SYNPO2: variants seen among roughly 807,000 people sequenced by gnomAD.
The protein encoded by SYNPO2 is synaptopodin-2.
In SYNPO2, 56 loss-of-function variants were observed where a neutral mutation model predicts 85.0. That is an observed-to-expected ratio of 0.66 (90% confidence interval 0.53 to 0.82). The LOEUF (loss-of-function observed/expected upper bound fraction) is 0.82, where lower values mean the gene tolerates loss of function less well. SYNPO2 is among the 40% of genes least tolerant of loss of function. SYNPO2 has a pLI of 0.00. For synonymous variants in SYNPO2, 602 were observed against 591.1 expected, an observed-to-expected ratio of 1.02 and a Z score of -0.27; for missense variants, 1,575 against 1,534.2, an observed-to-expected ratio of 1.03 and a Z score of -0.44.
chr4:118,882,010 C>T (rs1398446627), intron 1 of SYNPO2, among the ~76,000 whole-genome samples: 1 of 152,196 alleles, frequency 6.6e-6, no homozygotes, highest in Non-Finnish European at 1.5e-5. Flanking sequence ...CTATCTGGCA[C>T]TTATGATAAA....
chr4:118,906,955 G>A (rs1399269339), intron 1 of SYNPO2, among the ~76,000 whole-genome samples: 1 of 151,596 alleles, frequency 6.6e-6, no homozygotes, highest in African/African-American at 2.4e-5. Context: ...CCACAGGTGT[G>A]TGCCACCACA....
At chr4:119,033,873 C>T (rs1738386443) in intron 4 of SYNPO2, 4 of 985,328 alleles carry the variant, frequency 4.1e-6, no homozygotes, top group Non-Finnish European at 3.6e-6. Flanking sequence ...CATTGTAAAA[C>T]TGTAATCCTT....
intron 1 of SYNPO2, among the ~76,000 whole-genome samples, chr4:118,875,284 A>G (rs910726855): frequency 3.3e-5 from 5 of 152,180 alleles, no homozygotes; most frequent in South Asian, 2.1e-4. Context: ...TTGGAATAAC[A>G]GTATTTTTAT....
chr4:118,893,918 G>C (rs1732457015), intron 1 of SYNPO2, among the ~76,000 whole-genome samples: 1 of 151,864 alleles, frequency 6.6e-6, no homozygotes, highest in Admixed American at 6.6e-5. Flanking sequence ...TAATTAGCCT[G>C]ATTTGATCAT....
At chr4:118,859,290 G>C (rs1357312114) in intron 1 of SYNPO2, among the ~76,000 whole-genome samples, 2 of 151,638 alleles carry the variant, frequency 1.3e-5, no homozygotes, top group Non-Finnish European at 2.9e-5. Context: ...ATTTTTGTGG[G>C]TACATAATAG....
rs774475302 is a variant in SYNPO2 at position 118,908,465 on chromosome 4, G to A, written c.105+19324G>A. 4.6e-5 allele frequency among the ~76,000 whole-genome samples: 7 copies of A among 152,064 alleles called. No homozygotes were observed. In the South Asian group the frequency reaches 8.3e-4, roughly 18 times the overall value. Reference sequence around the variant, plus strand: ...AATTGACTTGAAAAAATTTTTGATAGAAGAAAATTCTCACATTTTAGTTCG... The same window carrying A: ...AATTGACTTGAAAAAATTTTTGATAAAAGAAAATTCTCACATTTTAGTTCG... On this transcript the variant is annotated intron_variant, in intron 1 of 4. Transcript: ENST00000307142.
intron 1 of SYNPO2, among the ~76,000 whole-genome samples, chr4:119,007,189 A>T (rs2149176253): frequency 7.4e-6 from 1 of 135,794 alleles, no homozygotes; most frequent in African/African-American, 2.7e-5. Flanking sequence ...AGGAGACTGA[A>T]AATTCCCAAA....
At chr4:118,889,532 A>C (rs1019214199) in intron 1 of SYNPO2, among the ~76,000 whole-genome samples, 4 of 152,202 alleles carry the variant, frequency 2.6e-5, no homozygotes, top group African/African-American at 7.2e-5. Flanking sequence ...TCAGTTCAGC[A>C]TAACGACTTT....
chr4:118,924,556 G>A (rs1261953161), intron 1 of SYNPO2, among the ~76,000 whole-genome samples: 1 of 152,166 alleles, frequency 6.6e-6, no homozygotes, highest in Non-Finnish European at 1.5e-5. Context: ...ATGGATGCTG[G>A]CATTTCCTCT....
chr4:119,035,502 T>C, intron 4 of SYNPO2: 6 of 985,440 alleles, frequency 6.1e-6, no homozygotes, highest in Non-Finnish European at 7.2e-6. Context: ...GTTAGGAACG[T>C]GTTTTGTAAG....
chr4:118,927,742 A>AGAT (rs1385134365), intron 1 of SYNPO2, among the ~76,000 whole-genome samples: 1,880 of 111,260 alleles, frequency 0.017, 40 homozygotes, highest in East Asian at 0.025. Flanking sequence ...ATAGATAGAT[A>AGAT]GATAGATGAT....
At chr4:118,919,005 T>C (rs1003662451) in intron 1 of SYNPO2, among the ~76,000 whole-genome samples, 5 of 152,200 alleles carry the variant, frequency 3.3e-5, no homozygotes, top group African/African-American at 1.2e-4. Flanking sequence ...TAAATATACA[T>C]TTTAAAAATT....
At chr4:118,891,244 G>C (rs901171463) in intron 1 of SYNPO2, among the ~76,000 whole-genome samples, 1 of 151,988 alleles carries the variant, frequency 6.6e-6, no homozygotes, top group African/African-American at 2.4e-5. Context: ...TGTTTGCTTT[G>C]CTTTTGTAGT....
rs368124549 is a variant in SYNPO2 at position 118,883,041 on chromosome 4, A to G, written c.12+32101A>G. Among the ~76,000 whole-genome samples, 95 of 149,810 alleles carry G rather than the reference A, an allele frequency of 6.3e-4. No homozygotes were observed. The East Asian group carries it at 0.017, about 26-fold the overall frequency. On this transcript the variant is annotated intron_variant, in intron 1 of 4. Transcript: ENST00000610556. Reference sequence around the variant, plus strand: ...CTCCCAAAGTGCTGGGATCACAGGCATGAGCCACCGCGCCCCGCCTGTTTT... The same window carrying G: ...CTCCCAAAGTGCTGGGATCACAGGCGTGAGCCACCGCGCCCCGCCTGTTTT...
At chr4:119,007,267 T>TGTATATAC (rs1553945973) in intron 1 of SYNPO2, among the ~76,000 whole-genome samples, 11 of 74,014 alleles carry the variant, frequency 1.5e-4, no homozygotes, top group East Asian at 4.5e-4. Context: ...TATATATATA[T>TGTATATAC]ATATATATGT....
intron 4 of SYNPO2, among the ~76,000 whole-genome samples, chr4:119,040,571 A>C (rs1224402490): frequency 6.6e-6 from 1 of 152,244 alleles, no homozygotes. Context: ...AGCCTCTACT[A>C]TAAAGACACT....
intron 1 of SYNPO2, among the ~76,000 whole-genome samples, chr4:119,003,033 C>A (rs1347694073): frequency 6.6e-6 from 1 of 152,168 alleles, no homozygotes; most frequent in Non-Finnish European, 1.5e-5. Flanking sequence ...TATGCATCCT[C>A]TCTAATTTTC....
rs765279340 is a variant in SYNPO2, at chr4:119,030,962, C to T, written c.2187C>T (p.Ser729=). 1.2e-6 allele frequency: 2 copies of T among 1,614,116 alleles called. No individual in the cohort carries two copies. The highest frequency in any genetic ancestry group is 1.3e-5 in the African/African-American group (1 of 75,016). The change falls in exon 4 of 5, where the codon TCC becomes TCT. Residue 729 remains serine, a synonymous_variant. Transcript: ENST00000307142. ...GKRGTGAGGD[S]GPEEDYLSLG... ...GGGGCACTGGAGCTGGAGGTGATTC[C>T]GGACCGGAAGAAGACTACCTCAGCT...
At position 119,030,394 on chromosome 4, in the gene SYNPO2, A is replaced by C; in HGVS notation, c.1619A>C (p.Glu540Ala). 2 of 1,614,182 alleles carry C rather than the reference A, an allele frequency of 1.2e-6. No individual in the cohort carries two copies. Among genetic ancestry groups the C allele is most frequent in the Non-Finnish European group, 1.7e-6 (2 of 1,180,036 alleles). ...ACCACGACTTCTTACCAAAGAAAGG[A>C]GGAAGAGTCGGTAAGAACGCAGAGC... ...LRTTTSYQRK[E>A]EESVRTQSSV... is the part of the protein sequence containing the mutation. Residue 540 changes from glutamate to alanine, a missense_variant, in exon 4 of 5, where the codon GAG becomes GCG. Physicochemically the swap from Glu to Ala is moderately radical, Grantham distance 107. Around this residue, in one of 3 missense-constraint regions of SYNPO2, gnomAD observed 1,508 missense variants for 1,446.8 expected, o/e 1.04. Transcript: ENST00000307142.
Sources: gnomAD v4.1 joint callset for allele counts (sites outside exome capture counted in the v4.1 genomes callset) on GRCh38, gnomAD v4.1.1 for gene constraint, gnomAD v4.1.1 regional missense constraint, MANE v1.5 for transcripts, NCBI Gene and HGNC (gene_info 2026-07-23, HGNC 2026-07-21) for gene names.